Variants in HDAC9 observed in about 807,000 individuals in gnomAD.
The protein encoded by HDAC9 is MEF-2 interacting transcription repressor (MITR) protein.
HDAC9 carries 41 observed loss-of-function variants against 139.4 expected under a neutral mutation model. That is an observed-to-expected ratio of 0.29 (90% CI 0.23 to 0.38). HDAC9 has a LOEUF of 0.38. Ranked by LOEUF, HDAC9 falls within the 10% of genes least tolerant of loss-of-function variation. The pLI, the probability that HDAC9 is intolerant of heterozygous loss-of-function variation, is 1.00. For missense variants in HDAC9, 1,147 were observed against 1,297.0 expected, an observed-to-expected ratio of 0.88 and a Z score of 1.78; for synonymous variants, 517 against 476.2, an observed-to-expected ratio of 1.09 and a Z score of -1.12.
At chr7:18,631,630 C>G (rs527826127) in intron 7 of HDAC9, among the ~76,000 whole-genome samples, 2 of 151,992 alleles carry the variant, frequency 1.3e-5, no homozygotes, top group African/African-American at 4.8e-5. Context: ...CAAACTCATT[C>G]CACTCATTGA....
chr7:18,543,460 C>T (rs1813676476), intron 2 of HDAC9: 1 of 152,260 alleles, frequency 6.6e-6, no homozygotes, highest in Non-Finnish European at 1.5e-5. Flanking sequence ...CTGCTTTTCC[C>T]TTCTCAAAAC....
intron 1 of HDAC9, among the ~76,000 whole-genome samples, chr7:18,092,209 G>A (rs938802284): frequency 2.0e-5 from 3 of 151,926 alleles, no homozygotes; most frequent in Non-Finnish European, 2.9e-5. Flanking sequence ...AACATGGCGC[G>A]ACCCTGTTGC....
chr7:18,191,468 A>G (rs1187447018), intron 2 of HDAC9, among the ~76,000 whole-genome samples: 1 of 152,222 alleles, frequency 6.6e-6, no homozygotes, highest in Non-Finnish European at 1.5e-5. Flanking sequence ...TGAGAGAATG[A>G]TTTTAGACAA....
chr7:18,604,233 A>T (rs186047136), intron 6 of HDAC9, among the ~76,000 whole-genome samples: 81 of 152,170 alleles, frequency 5.3e-4, no homozygotes, highest in Admixed American at 9.8e-4. Context: ...TTATTTTGCT[A>T]TTCCCATTAG....
intron 6 of HDAC9, among the ~76,000 whole-genome samples, chr7:18,628,549 A>G (rs942514006): frequency 6.6e-6 from 1 of 152,166 alleles, no homozygotes; most frequent in African/African-American, 2.4e-5. Context: ...CCATTCTTCT[A>G]AAGTATAATT....
chr7:18,477,742 A>G (rs1795226747), intron 1 of HDAC9, among the ~76,000 whole-genome samples: 1 of 152,154 alleles, frequency 6.6e-6, no homozygotes, highest in African/African-American at 2.4e-5. Context: ...CACAAATTAT[A>G]TTTATCACAT....
At chr7:18,844,856 C>A (rs1350883311) in intron 21 of HDAC9, among the ~76,000 whole-genome samples, 2 of 152,130 alleles carry the variant, frequency 1.3e-5, no homozygotes, top group African/African-American at 2.4e-5. Flanking sequence ...GCTTTATATA[C>A]CCATGTTGCC....
rs193264924 is a variant in HDAC9 at position 18,321,391 on chromosome 7, C to T, written c.-42+30876C>T. On this transcript the variant is annotated intron_variant, in intron 1 of 3. Transcript: ENST00000413509. ...TACTTACCATATTCCATGTACCACA[C>T]AAGAGAAAGGAAAAAGGTGAGCTAG... Among the ~76,000 whole-genome samples, 586 of 152,188 alleles carry T rather than the reference C, an allele frequency of 3.9e-3. 3 individuals are homozygous for T. The highest frequency in any genetic ancestry group is 0.014 in the African/African-American group (564 of 41,514).
chr7:18,711,260 C>T (rs908958638), intron 12 of HDAC9, among the ~76,000 whole-genome samples: 3 of 152,172 alleles, frequency 2.0e-5, no homozygotes, highest in Non-Finnish European at 2.9e-5. Context: ...CTCAATTCAA[C>T]AAATCATATT....
At chr7:18,871,255 G>A (rs1371183864) in intron 21 of HDAC9, among the ~76,000 whole-genome samples, 1 of 152,118 alleles carries the variant, frequency 6.6e-6, no homozygotes, top group Admixed American at 6.6e-5. Flanking sequence ...CTGTTGACAT[G>A]TCCATGTCTC....
chr7:18,187,586 A>T (rs1790013522), intron 2 of HDAC9, among the ~76,000 whole-genome samples: 2 of 152,070 alleles, frequency 1.3e-5, no homozygotes, highest in African/African-American at 4.8e-5. Context: ...ATCTTGACAA[A>T]CCTTGTCTTC....
At chr7:18,282,032 A>G (rs1373783769) in intron 2 of HDAC9, among the ~76,000 whole-genome samples, 4 of 152,200 alleles carry the variant, frequency 2.6e-5, no homozygotes, top group African/African-American at 9.6e-5. Context: ...TTAAAACTAT[A>G]TAGTAAAGCG....
intron 11 of HDAC9, among the ~76,000 whole-genome samples, chr7:18,656,705 C>T (rs1249934936): frequency 1.3e-5 from 2 of 152,110 alleles, no homozygotes; most frequent in African/African-American, 2.4e-5. Context: ...TATTTATATT[C>T]TTCCAAATCT....
At chr7:18,945,226 G>C (rs954665004) in intron 23 of HDAC9, among the ~76,000 whole-genome samples, 5 of 152,200 alleles carry the variant, frequency 3.3e-5, no homozygotes, top group African/African-American at 1.2e-4. Context: ...TAGCCATTCT[G>C]TTGGAGGTGT....
intron 8 of HDAC9, among the ~76,000 whole-genome samples, chr7:18,638,256 C>A (rs957943260): frequency 2.0e-5 from 3 of 152,078 alleles, no homozygotes; most frequent in African/African-American, 7.2e-5. Flanking sequence ...GGGATTCTAT[C>A]CTATTGTGCT....
At chr7:18,968,443 A>G (rs1784025722) in intron 24 of HDAC9, among the ~76,000 whole-genome samples, 1 of 152,194 alleles carries the variant, frequency 6.6e-6, no homozygotes, top group East Asian at 1.9e-4. Context: ...ATAGAGAGAT[A>G]TATGATACAG....
At chr7:18,834,845 T>C (rs987451933) in intron 19 of HDAC9, among the ~76,000 whole-genome samples, 6 of 152,204 alleles carry the variant, frequency 3.9e-5, no homozygotes, top group Admixed American at 2.6e-4. Context: ...AGAAAGCCAA[T>C]TTATTCAGCT....
In HDAC9 at chr7:18,667,261, T is replaced by A. The variant is rs1289000163; in HGVS notation, c.1731+785T>A. 3 of 984,844 alleles carry A rather than the reference T, an allele frequency of 3.0e-6. No homozygotes were observed. The African/African-American group carries it at 5.2e-5, about 17-fold the overall frequency. 61.0% of individuals were successfully genotyped at this position (984,844 alleles called of 1,614,324 possible). A position where few individuals can be genotyped will look rare whatever the true frequency, so the allele number is the denominator to read the frequency against. On this transcript the variant is annotated intron_variant, in intron 12 of 25. Coordinates refer to ENST00000686413, the MANE Select transcript of HDAC9 (RefSeq NM_178425.4). The stretch of plus-strand genomic sequence containing the variant: ...ATGCAAATGTTAGTGAGAAGTAATG[T>A]GCAGCATTATGGTCCAATCAGATAC...
intron 2 of HDAC9, among the ~76,000 whole-genome samples, chr7:18,202,384 T>C (rs1407121291): frequency 1.3e-5 from 2 of 151,352 alleles, no homozygotes; most frequent in East Asian, 3.9e-4. Flanking sequence ...TATTAAGGGA[T>C]TTTTTTTTCC....
Sources: allele counts gnomAD v4.1 joint callset (sites outside exome capture counted in the v4.1 genomes callset), GRCh38; gene constraint gnomAD v4.1.1; transcripts MANE v1.5; gene names NCBI Gene and HGNC (gene_info 2026-07-23, HGNC 2026-07-21).